Variants in SLC9A9 observed in about 807,000 individuals in gnomAD.
The protein encoded by SLC9A9 is sodium/hydrogen exchanger 9.
A neutral mutation model predicts 77.8 loss-of-function variants in SLC9A9; 62 were observed. The observed-to-expected ratio is 0.80, with a 90% confidence interval of 0.65 to 0.98. The LOEUF (loss-of-function observed/expected upper bound fraction) is 0.98, where lower values mean the gene tolerates loss of function less well. Among genes scored for constraint, SLC9A9 ranks in the 50% least tolerant of loss-of-function variants. SLC9A9 has a pLI of 0.00. For missense variants in SLC9A9, 775 were observed against 774.9 expected, an observed-to-expected ratio of 1.00 and a Z score of 0.00; for synonymous variants, 320 against 283.5, an observed-to-expected ratio of 1.13 and a Z score of -1.29.
intron 12 of SLC9A9, among the ~76,000 whole-genome samples, chr3:143,439,971 G>A (rs1483457843): frequency 2.0e-5 from 3 of 152,170 alleles, no homozygotes; most frequent in African/African-American, 4.8e-5. Flanking sequence ...ACTGCCCTGG[G>A]GCTGAATTCA....
intron 14 of SLC9A9, among the ~76,000 whole-genome samples, chr3:143,283,581 T>A (rs1343525843): frequency 6.6e-6 from 1 of 152,206 alleles, no homozygotes; most frequent in Admixed American, 6.5e-5. Flanking sequence ...GCCCCAACCC[T>A]GTCCCCTTGG....
chr3:143,663,927 C>G (rs1262159240), intron 5 of SLC9A9, among the ~76,000 whole-genome samples: 3 of 152,254 alleles, frequency 2.0e-5, no homozygotes, highest in Non-Finnish European at 4.4e-5. Context: ...TCCAGGAGAA[C>G]TTCCCCAGTC....
intron 12 of SLC9A9, among the ~76,000 whole-genome samples, chr3:143,466,688 C>T (rs561929176): frequency 6.6e-6 from 1 of 152,372 alleles, no homozygotes; most frequent in Non-Finnish European, 1.5e-5. Flanking sequence ...ATCAGTCCTA[C>T]TGGATTGTAT....
chr3:143,429,111 C>T (rs143670608), intron 12 of SLC9A9, among the ~76,000 whole-genome samples: 33 of 152,202 alleles, frequency 2.2e-4, no homozygotes, highest in African/African-American at 3.9e-4. Flanking sequence ...GATTTGATCA[C>T]GATACTATGT....
chr3:143,833,296 G>C (rs1364273991), intron 1 of SLC9A9, among the ~76,000 whole-genome samples: 1 of 152,098 alleles, frequency 6.6e-6, no homozygotes, highest in Non-Finnish European at 1.5e-5. Flanking sequence ...GGTGCATATT[G>C]TGTACCAGAC....
At chr3:143,513,059 G>C (rs2036143011) in intron 9 of SLC9A9, among the ~76,000 whole-genome samples, 1 of 152,166 alleles carries the variant, frequency 6.6e-6, no homozygotes, top group Non-Finnish European at 1.5e-5. Context: ...GTTGCTGAAG[G>C]CTGGGGTGGC....
At chr3:143,624,476 A>G (rs147578137) in intron 6 of SLC9A9, among the ~76,000 whole-genome samples, 238 of 152,284 alleles carry the variant, frequency 1.6e-3, no homozygotes, top group African/African-American at 5.6e-3. Context: ...CAAATCGATA[A>G]ACATAATCCA....
chr3:143,785,008 C>A (rs996008767), intron 4 of SLC9A9, among the ~76,000 whole-genome samples: 1 of 152,178 alleles, frequency 6.6e-6, no homozygotes, highest in Admixed American at 6.5e-5. Flanking sequence ...GCACCCTGAT[C>A]TAGGACTTCT....
chr3:143,475,201 CTG>C (rs2035453920), intron 11 of SLC9A9, among the ~76,000 whole-genome samples: 4 of 150,694 alleles, frequency 2.7e-5, no homozygotes, highest in African/African-American at 9.7e-5. Flanking sequence ...TTTCCTGACT[CTG>C]TGATCTACCC....
At chr3:143,393,247 T>A in intron 12 of SLC9A9, among the ~76,000 whole-genome samples, 1 of 152,186 alleles carries the variant, frequency 6.6e-6, no homozygotes, top group Non-Finnish European at 1.5e-5. Context: ...ACAAACTGTC[T>A]ATCAGTTTGA....
intron 8 of SLC9A9, among the ~76,000 whole-genome samples, chr3:143,563,275 A>G (rs2037117081): frequency 6.6e-6 from 1 of 152,202 alleles, no homozygotes; most frequent in South Asian, 2.1e-4. Flanking sequence ...AGAACAATTA[A>G]GTCTTTTTGT....
At chr3:143,529,481 T>C (rs2108619967) in intron 9 of SLC9A9, among the ~76,000 whole-genome samples, 1 of 152,290 alleles carries the variant, frequency 6.6e-6, no homozygotes, top group Admixed American at 6.5e-5. Context: ...CCCATGAAAG[T>C]ATTTGCCAGT....
intron 6 of SLC9A9, among the ~76,000 whole-genome samples, chr3:143,599,225 T>G (rs549188619): frequency 1.3e-5 from 2 of 152,226 alleles, no homozygotes; most frequent in Non-Finnish European, 2.9e-5. Context: ...ACTATTTAAC[T>G]CGTAAAAAAC....
intron 6 of SLC9A9, among the ~76,000 whole-genome samples, chr3:143,617,534 T>A (rs1401365288): frequency 6.6e-6 from 1 of 152,250 alleles, no homozygotes; most frequent in Non-Finnish European, 1.5e-5. Flanking sequence ...TTTATTAGTT[T>A]AAAAGAAAAT....
intron 12 of SLC9A9, among the ~76,000 whole-genome samples, chr3:143,413,487 G>A (rs1231613840): frequency 2.0e-5 from 3 of 152,182 alleles, no homozygotes; most frequent in African/African-American, 7.2e-5. Context: ...GGAAATGGTG[G>A]TGGGGCAGTG....
At chr3:143,456,221 A>C (rs1368357088) in intron 12 of SLC9A9, among the ~76,000 whole-genome samples, 2 of 152,128 alleles carry the variant, frequency 1.3e-5, no homozygotes, top group Non-Finnish European at 2.9e-5. Context: ...TTACCTACTA[A>C]ACCAGACTTG....
intron 14 of SLC9A9, among the ~76,000 whole-genome samples, chr3:143,273,040 C>G (rs1937940367): frequency 6.6e-6 from 1 of 152,202 alleles, no homozygotes; most frequent in South Asian, 2.1e-4. Flanking sequence ...GAATAATATC[C>G]AAAATACCTG....
chr3:143,597,514 C>T (rs1269475755), intron 6 of SLC9A9, among the ~76,000 whole-genome samples: 1 of 152,138 alleles, frequency 6.6e-6, no homozygotes, highest in Non-Finnish European at 1.5e-5. Flanking sequence ...TGAGACAGAG[C>T]GGACAGCGTA....
At chr3:143,652,081 T>C (rs1475396224) in intron 6 of SLC9A9, among the ~76,000 whole-genome samples, 174 bp downstream of exon 6, 1 of 152,154 alleles carries the variant, frequency 6.6e-6, no homozygotes, top group East Asian at 1.9e-4. Context: ...AACCCATTAA[T>C]AGTATTAGAA....
Sources: allele counts gnomAD v4.1 joint callset (sites outside exome capture counted in the v4.1 genomes callset), GRCh38; gene constraint gnomAD v4.1.1; transcripts MANE v1.5; gene names NCBI Gene and HGNC (gene_info 2026-07-23, HGNC 2026-07-21).